FAM98B: variants seen among roughly 807,000 people sequenced by gnomAD.
FAM98B encodes the protein tRNA splicing ligase complex subunit 3B, also known as tRNA-splicing ligase complex subunit FAM98B.
A neutral mutation model predicts 43.9 loss-of-function variants in FAM98B; 32 were observed. That is an observed-to-expected ratio of 0.73 (90% CI 0.55 to 0.98). The LOEUF (loss-of-function observed/expected upper bound fraction) is 0.98. Among genes scored for constraint, FAM98B ranks in the 50% least tolerant of loss-of-function variants. The probability of loss-of-function intolerance (pLI) is 0.00; values close to 1 mark genes in which losing one functional copy is unlikely to be tolerated. For missense variants in FAM98B, 514 were observed against 522.9 expected (o/e 0.98, Z 0.17); for synonymous variants, 190 against 174.0 (o/e 1.09, Z -0.72).
In FAM98B at chr15:38,464,285, T is replaced by C. The variant is rs187209968; in HGVS notation, c.217+108T>C. ...CACTGTACAAAGAAAAATCACATAT[T>C]CCAAAGAATTTCAGTATGTGGTAGT... On this transcript the variant is annotated intron_variant, in intron 2 of 7. Coordinates refer to ENST00000397609, the MANE Select transcript of FAM98B (RefSeq NM_173611.4). 8.4e-5 allele frequency: 91 copies of C among 1,082,372 alleles called. 1 individual carries two copies. The African/African-American group carries it at 1.4e-3, about 16-fold the overall frequency. 67.0% of individuals were successfully genotyped at this position (1,082,372 alleles called of 1,614,324 possible).
intron 1 of FAM98B, among the ~76,000 whole-genome samples, chr15:38,454,450 C>G (rs937351558): frequency 6.6e-6 from 1 of 152,232 alleles, no homozygotes; most frequent in Non-Finnish European, 1.5e-5. Context: ...TCGTGGCCCC[C>G]TCTTCGAAAC....
rs944334444 is a variant in FAM98B at position 38,458,553 on chromosome 15, G to A, written c.71+4321G>A. Among the ~76,000 whole-genome samples the A allele has an allele frequency of 2.0e-5, 3 of 152,144 alleles. No homozygotes were observed. In the South Asian group the frequency reaches 6.2e-4, roughly 32 times the overall value. On this transcript the variant is annotated intron_variant, in intron 1 of 7. Coordinates refer to ENST00000397609, the MANE Select transcript of FAM98B (RefSeq NM_173611.4). ...CGGGAACCCAACAACTCGGGAGCAG[G>A]TAGTTCTGGGTATTGTTGGTCTGGC...
At chr15:38,456,972 G>A (rs1258287219) in intron 1 of FAM98B, among the ~76,000 whole-genome samples, 1 of 152,198 alleles carries the variant, frequency 6.6e-6, no homozygotes, top group African/African-American at 2.4e-5. Flanking sequence ...ACAGCAATGG[G>A]ATGTGATCGA....
At chr15:38,463,334 T>C (rs1889978212) in intron 1 of FAM98B, among the ~76,000 whole-genome samples, 1 of 151,734 alleles carries the variant, frequency 6.6e-6, no homozygotes, top group Non-Finnish European at 1.5e-5. Context: ...CTACTAAAAA[T>C]ACAAACATTA....
rs1322790984 is a variant in FAM98B at position 38,484,727 on chromosome 15, C to T, written c.*68C>T. The T allele has an allele frequency of 4.7e-6, 7 of 1,477,494 alleles. No homozygotes were observed. Among genetic ancestry groups the T allele is most frequent in the East Asian group, 5.4e-5 (2 of 36,708 alleles). 91.5% of individuals were successfully genotyped at this position (1,477,494 alleles called of 1,614,324 possible). A position where few individuals can be genotyped will look rare whatever the true frequency, so the allele number is the denominator to read the frequency against. On this transcript the variant is annotated 3_prime_UTR_variant, in exon 8 of 8. Coordinates refer to ENST00000397609, the MANE Select transcript of FAM98B (RefSeq NM_173611.4). ...ACATTAGAAATAGTGTTCCAAATAA[C>T]ATACTTGAATATCATCTTTGAAGTA...
chr15:38,458,869 C>T (rs935723746), intron 1 of FAM98B: 8 of 459,958 alleles, frequency 1.7e-5, no homozygotes, highest in South Asian at 3.6e-5. Context: ...ACTGCACAGG[C>T]ACTGCATTCT....
chr15:38,454,334 G>A, intron 1 of FAM98B, 102 bp downstream of exon 1: 1 of 1,210,432 alleles, frequency 8.3e-7, no homozygotes. Flanking sequence ...GGGCGGCCAT[G>A]TGTAGGCCTC....
At chr15:38,456,548 T>C (rs1889851887) in intron 1 of FAM98B, among the ~76,000 whole-genome samples, 1 of 152,206 alleles carries the variant, frequency 6.6e-6, no homozygotes, top group African/African-American at 2.4e-5. Context: ...TTGTGGAGTT[T>C]ATAATCTAGT....
intron 1 of FAM98B, among the ~76,000 whole-genome samples, chr15:38,463,775 G>A (rs966805104): frequency 6.6e-6 from 1 of 152,084 alleles, no homozygotes; most frequent in African/African-American, 2.4e-5. Context: ...AAAGCCAAAT[G>A]TTAATTATAT....
At chr15:38,476,051 G>A (rs1162053253) in intron 6 of FAM98B, among the ~76,000 whole-genome samples, 1 of 152,020 alleles carries the variant, frequency 6.6e-6, no homozygotes, top group Non-Finnish European at 1.5e-5. Context: ...TTGTTCTGCT[G>A]TAGGAAATCC....
intron 1 of FAM98B, among the ~76,000 whole-genome samples, 183 bp downstream of exon 1, chr15:38,454,415 T>C (rs957151441): frequency 1.3e-5 from 2 of 151,840 alleles, no homozygotes; most frequent in Non-Finnish European, 2.9e-5. Context: ...ATTTGGGGGG[T>C]GGAGCAGGGC....
rs1274306383 is a variant in FAM98B, at chr15:38,484,563, AG to A, written c.1211del (p.Gly404AlafsTer36). On this transcript the variant is annotated frameshift_variant, in exon 8 of 8. Transcript: ENST00000397609. LOFTEE classifies it high-confidence loss of function. Reference sequence around the variant, plus strand: ...GTGGAAGAGGGGGTTATGGTGGAAGAGGGGGCTATGGTGGAAGAGGCTATGG... The same window carrying A: ...GTGGAAGAGGGGGTTATGGTGGAAGAGGGGCTATGGTGGAAGAGGCTATGG... ...YGGRGGYGGRGGYGGRGYGDP... is the reference protein window; with the variant it reads ...YGGRGGYGGRXGYGGRGYGDP... 2.6e-6 allele frequency: 3 copies of A among 1,157,956 alleles called. No individual in the cohort carries two copies. The highest frequency in any genetic ancestry group is 3.2e-6 in the Non-Finnish European group (3 of 940,690). 71.7% of individuals were successfully genotyped at this position (1,157,956 alleles called of 1,614,324 possible). A position where few individuals can be genotyped will look rare whatever the true frequency, so the allele number is the denominator to read the frequency against.
chr15:38,466,346 C>T (rs1017679865), intron 3 of FAM98B, among the ~76,000 whole-genome samples: 2 of 152,218 alleles, frequency 1.3e-5, no homozygotes, highest in East Asian at 3.9e-4. Context: ...GTGTGAGTCA[C>T]TGATTTAATG....
chr15:38,472,400 A>G (rs533000914), intron 4 of FAM98B, among the ~76,000 whole-genome samples: 3 of 152,112 alleles, frequency 2.0e-5, no homozygotes, highest in Non-Finnish European at 4.4e-5. Context: ...GAGAAATTGT[A>G]TCATTGTAGA....
chr15:38,460,373 C>G (rs1889928395), intron 1 of FAM98B, among the ~76,000 whole-genome samples: 1 of 140,594 alleles, frequency 7.1e-6, no homozygotes, highest in Non-Finnish European at 1.6e-5. Context: ...TTCTCATGTA[C>G]TGCAAGAGGA....
rs966760557 is a variant in FAM98B at position 38,485,817 on chromosome 15, T to C, written c.*1158T>C. On this transcript the variant is annotated 3_prime_UTR_variant, in exon 8 of 8. Transcript: ENST00000397609. ...GTTAAAAACTTACAGAGGGCCTATT[T>C]TGAATGCTTTAAGATGTAGGCCAAG... 6.6e-6 allele frequency: 1 copy of C among 152,170 alleles called. No individual in the cohort carries two copies. The highest frequency in any genetic ancestry group is 2.4e-5 in the African/African-American group (1 of 41,448). The allele number at this position is 152,170 out of a possible 1,614,324, so 9.4% of individuals were successfully genotyped here. A position where few individuals can be genotyped will look rare whatever the true frequency, so the allele number is the denominator to read the frequency against.
chr15:38,481,689 G>A, intron 7 of FAM98B: 1 of 1,301,932 alleles, frequency 7.7e-7, no homozygotes, highest in Non-Finnish European at 1.0e-6. Context: ...ATTATGAATT[G>A]TTTTTGTCAA....
At chr15:38,482,446 C>T (rs906128326) in intron 7 of FAM98B, 1 of 152,136 alleles carries the variant, frequency 6.6e-6, no homozygotes, top group Admixed American at 6.5e-5. Flanking sequence ...GTCTTATGAT[C>T]AGTTCTGGCA....
intron 6 of FAM98B, among the ~76,000 whole-genome samples, chr15:38,478,097 T>G (rs1032400226): frequency 3.3e-5 from 5 of 152,242 alleles, no homozygotes; most frequent in African/African-American, 1.2e-4. Flanking sequence ...ATTTTCAATG[T>G]TGGCATTAAG....
Sources: gnomAD v4.1 joint callset for allele counts (sites outside exome capture counted in the v4.1 genomes callset) on GRCh38, gnomAD v4.1.1 for gene constraint, MANE v1.5 for transcripts, NCBI Gene and HGNC (gene_info 2026-07-23, HGNC 2026-07-21) for gene names.